Variants in PAX5 observed in about 807,000 individuals in gnomAD.
PAX5 encodes paired box protein Pax-5.
Under a neutral mutation model 43.7 loss-of-function variants are expected in PAX5, and 9 were observed. That is an observed-to-expected ratio of 0.21 (90% CI 0.12 to 0.36). PAX5 has a LOEUF of 0.36. Among genes scored for constraint, PAX5 ranks in the 10% least tolerant of loss-of-function variants. The pLI, the probability that PAX5 is intolerant of heterozygous loss-of-function variation, is 1.00. For missense variants in PAX5, 383 were observed against 532.7 expected, an observed-to-expected ratio of 0.72 and a Z score of 2.77; for synonymous variants, 228 against 214.3, an observed-to-expected ratio of 1.06 and a Z score of -0.56.
Position 36,882,328 on chromosome 9 carries a change from C to T in PAX5, c.911-223G>A, listed in dbSNP as rs1267690498. Among the ~76,000 whole-genome samples the T allele has an allele frequency of 6.6e-6, 1 of 152,122 alleles. No individual in the cohort carries two copies. The highest frequency in any genetic ancestry group is 2.4e-5 in the African/African-American group (1 of 41,408). On this transcript the variant is annotated intron_variant, in intron 7 of 9. Transcript: ENST00000358127. This position sits in a 1 kb window ranked among gnomAD's most constrained non-coding sequence, Gnocchi z 4.4. Reference sequence around the variant, plus strand: ...CACACATCTCCAGCCACCCTCGCTCCACTCAGCAAGAACAGAGTCAGGGAT... The same window carrying T: ...CACACATCTCCAGCCACCCTCGCTCTACTCAGCAAGAACAGAGTCAGGGAT...
rs1222194384 is a variant in PAX5, at chr9:36,882,806, G to T, written c.911-701C>A. On this transcript the variant is annotated intron_variant, in intron 7 of 9. Coordinates refer to ENST00000358127, the MANE Select transcript of PAX5 (RefSeq NM_016734.3). The surrounding 1 kb of genome is among the most constrained non-coding windows in gnomAD (Gnocchi z 4.4). ...CCCTCAAGGCGTGCACACTCCCATG[G>T]GCGAGTGTCCAGCTCTTTCAGGCTG... Among the ~76,000 whole-genome samples the T allele has an allele frequency of 6.6e-6, 1 of 152,244 alleles. No individual in the cohort carries two copies. The highest frequency in any genetic ancestry group is 1.5e-5 in the Non-Finnish European group (1 of 68,046).
At chr9:36,897,435 A>C (rs906844130) in intron 7 of PAX5, among the ~76,000 whole-genome samples, 1 of 152,080 alleles carries the variant, frequency 6.6e-6, no homozygotes, top group African/African-American at 2.4e-5. Flanking sequence ...CCTCACTTCT[A>C]ACTAGTTTAC....
chr9:37,016,996 CT>C (rs1839441639), intron 2 of PAX5, among the ~76,000 whole-genome samples: 1 of 152,306 alleles, frequency 6.6e-6, no homozygotes, highest in Non-Finnish European at 1.5e-5. Flanking sequence ...TTCCCTCTTT[CT>C]AAAAAATTGC....
At chr9:36,950,421 G>A (rs922705043) in intron 6 of PAX5, among the ~76,000 whole-genome samples, 7 of 152,216 alleles carry the variant, frequency 4.6e-5, no homozygotes, top group African/African-American at 1.2e-4. Context: ...AAAGCTCAGA[G>A]CTGGAAGGGA....
At chr9:36,858,841 C>T (rs565991587) in intron 8 of PAX5, among the ~76,000 whole-genome samples, 59 of 152,162 alleles carry the variant, frequency 3.9e-4, no homozygotes, top group Non-Finnish European at 7.8e-4. Flanking sequence ...GAAATCACCT[C>T]CCCTGGCTCT....
chr9:36,903,563 T>C (rs1442315143), intron 7 of PAX5, among the ~76,000 whole-genome samples: 2 of 152,194 alleles, frequency 1.3e-5, no homozygotes, highest in Non-Finnish European at 2.9e-5. Context: ...CTGGGGCATG[T>C]CCAGGTGGCC....
chr9:37,018,226 C>T (rs1839558282), intron 2 of PAX5, among the ~76,000 whole-genome samples: 1 of 152,104 alleles, frequency 6.6e-6, no homozygotes, highest in South Asian at 2.1e-4. Context: ...GGATTAAAAT[C>T]CCTAGTGTTT....
chr9:36,868,516 G>A (rs1030044782), intron 8 of PAX5, among the ~76,000 whole-genome samples: 5 of 152,136 alleles, frequency 3.3e-5, no homozygotes, highest in Non-Finnish European at 5.9e-5. Context: ...TTGGGTCTAG[G>A]AACATGTGTC....
intron 5 of PAX5, among the ~76,000 whole-genome samples, chr9:36,968,607 A>AT (rs1834653726): frequency 6.6e-6 from 1 of 151,866 alleles, no homozygotes; most frequent in African/African-American, 2.4e-5. Context: ...GTGACCAGAT[A>AT]CCCCCACATG....
At chr9:36,969,421 G>C (rs1457508737) in intron 5 of PAX5, among the ~76,000 whole-genome samples, 1 of 152,248 alleles carries the variant, frequency 6.6e-6, no homozygotes, top group African/African-American at 2.4e-5. Context: ...TTCAGAGAGG[G>C]TGGCTCCACT....
intron 6 of PAX5, among the ~76,000 whole-genome samples, 191 bp from the exon 7 acceptor site, chr9:36,923,675 A>C (rs926340373): frequency 3.3e-5 from 5 of 152,198 alleles, no homozygotes; most frequent in Admixed American, 6.5e-5. Flanking sequence ...AGTTGTCCAG[A>C]ATCAACAATT....
intron 7 of PAX5, among the ~76,000 whole-genome samples, chr9:36,895,021 G>A (rs1319656676): frequency 1.3e-5 from 2 of 152,236 alleles, no homozygotes; most frequent in South Asian, 2.1e-4. Context: ...GAGTGGTGGC[G>A]AGGGCCGAGT....
Position 37,034,088 on chromosome 9 carries a change from CTTT to C in PAX5, c.-60_-58del, listed in dbSNP as rs368036487. ...GGGAAAAGTTTCCACTTTTTTGTGC[CTTT>C]TTTTTTCTTTTTTTTTTTTTTTTTT... On this transcript the variant is annotated 5_prime_UTR_variant, in exon 1 of 10. Coordinates refer to ENST00000358127, the MANE Select transcript of PAX5 (RefSeq NM_016734.3). 4.5e-6 allele frequency: 2 copies of C among 448,742 alleles called. No homozygotes were observed. The highest frequency in any genetic ancestry group is 3.4e-5 in the South Asian group (1 of 29,120). 27.8% of individuals were successfully genotyped at this position (448,742 alleles called of 1,614,324 possible). A position where few individuals can be genotyped will look rare whatever the true frequency, so the allele number is the denominator to read the frequency against.
At chr9:37,003,288 C>A (rs1838100122) in intron 4 of PAX5, among the ~76,000 whole-genome samples, 1 of 151,954 alleles carries the variant, frequency 6.6e-6, no homozygotes, top group Non-Finnish European at 1.5e-5. Flanking sequence ...CTAACAAACT[C>A]CAAACCGCAG....
At chr9:36,969,674 C>T (rs7858982) in intron 5 of PAX5, among the ~76,000 whole-genome samples, 25,146 of 152,218 alleles carry the variant, frequency 0.17, 2,630 homozygotes, top group African/African-American at 0.29. Context: ...ATAGCCTCTG[C>T]CAGCTGAGCC....
intron 5 of PAX5, among the ~76,000 whole-genome samples, chr9:36,996,362 CAG>C: frequency 6.6e-6 from 1 of 152,372 alleles, no homozygotes; most frequent in Middle Eastern, 3.4e-3. Context: ...AATGGAGGTG[CAG>C]AGAGATTAAG....
chr9:36,846,959 GA>G lies in PAX5; in HGVS notation c.1013-31del, dbSNP rs750853023. ...GTATGGTGGGTGGAGAGAGAAACAG[GA>G]ACCAAACGTCAAATCCAGTTCAGAA... is the stretch of plus-strand genomic sequence containing the variant. On this transcript the variant is annotated intron_variant, in intron 8 of 9. Transcript: ENST00000358127. 8.6e-6 allele frequency: 13 copies of G among 1,509,804 alleles called. 1 individual carries two copies. The South Asian group carries it at 1.5e-4, about 17-fold the overall frequency. 93.5% of individuals were successfully genotyped at this position (1,509,804 alleles called of 1,614,324 possible). A position where few individuals can be genotyped will look rare whatever the true frequency, so the allele number is the denominator to read the frequency against.
rs1432598051 is a variant in PAX5, at chr9:36,835,908, C to G, written c.*4652G>C. The G allele has an allele frequency of 4.3e-6, 1 of 233,424 alleles. No individual in the cohort carries two copies. Among genetic ancestry groups the G allele is most frequent in the Non-Finnish European group, 8.5e-6 (1 of 118,294 alleles). The allele number at this position is 233,424 out of a possible 1,614,324, so 14.5% of individuals were successfully genotyped here. ...AGTTGGTTTCCACCCTCCCGGGAAG[C>G]TGTATCTTAGACTCCCCTCCTGGGA... On this transcript the variant is annotated 3_prime_UTR_variant, in exon 10 of 10. Coordinates refer to ENST00000358127, the MANE Select transcript of PAX5 (RefSeq NM_016734.3).
intron 8 of PAX5, among the ~76,000 whole-genome samples, chr9:36,878,370 G>A (rs1395930007): frequency 6.6e-6 from 1 of 152,208 alleles, no homozygotes; most frequent in Non-Finnish European, 1.5e-5. Flanking sequence ...TGGCGTAGGG[G>A]GCTGTGCCTT....
Sources: allele counts gnomAD v4.1 joint callset (sites outside exome capture counted in the v4.1 genomes callset), GRCh38; gene constraint gnomAD v4.1.1; non-coding constraint Gnocchi (gnomAD v3.1); transcripts MANE v1.5; gene names NCBI Gene and HGNC (gene_info 2026-07-23, HGNC 2026-07-21).